Variants in LRRC37A2 observed in about 807,000 individuals in gnomAD.
The protein encoded by LRRC37A2 is leucine-rich repeat-containing protein 37A2.
LRRC37A2 carries 9 observed loss-of-function variants against 68.8 expected under a neutral mutation model. The observed-to-expected ratio is 0.13, with a 90% CI of 0.08 to 0.23. LRRC37A2 has a LOEUF of 0.23. Ranked by LOEUF, LRRC37A2 falls within the 10% of genes least tolerant of loss-of-function variation. LRRC37A2 has a pLI of 1.00. For missense variants in LRRC37A2, 168 were observed against 950.4 expected, an observed-to-expected ratio of 0.18 and a Z score of 10.82; for synonymous variants, 63 against 367.6, an observed-to-expected ratio of 0.17 and a Z score of 9.48.
At chr17:46,516,539 A>C (rs1205293098) in intron 2 of LRRC37A2, among the ~76,000 whole-genome samples, 2 of 146,872 alleles carry the variant, frequency 1.4e-5, no homozygotes, top group Admixed American at 6.8e-5. Context: ...GCATGGCTAC[A>C]GGTATGGTTG....
At chr17:47,011,432 T>C in the LRRC37A2 span, among the ~76,000 whole-genome samples, 2 of 151,682 alleles carry the variant, frequency 1.3e-5, no homozygotes, top group South Asian at 2.1e-4. Flanking sequence ...GCCTGCAATC[T>C]CAGCTACTTG....
chr17:46,786,555 G>A, the LRRC37A2 span, among the ~76,000 whole-genome samples: 2 of 152,242 alleles, frequency 1.3e-5, no homozygotes, highest in Non-Finnish European at 2.9e-5. Context: ...CCACAGAGGG[G>A]AGCAGCTCCC....
the LRRC37A2 span, among the ~76,000 whole-genome samples, chr17:46,787,057 C>A: frequency 6.6e-6 from 1 of 152,014 alleles, no homozygotes; most frequent in African/African-American, 2.4e-5. Context: ...TCCACCTCAG[C>A]CTCCTGAGTA....
the LRRC37A2 span, among the ~76,000 whole-genome samples, chr17:46,908,411 C>T: frequency 3.9e-5 from 6 of 152,112 alleles, no homozygotes; most frequent in South Asian, 4.2e-4. Context: ...CTCCTGGAGG[C>T]GCTGAAAATA....
chr17:46,751,898 C>T, the LRRC37A2 span, among the ~76,000 whole-genome samples: 1 of 152,168 alleles, frequency 6.6e-6, no homozygotes, highest in Admixed American at 6.5e-5. Flanking sequence ...AAAGAGCAGT[C>T]GTTCTTCTGC....
chr17:46,885,257 C>T, the LRRC37A2 span: 51 of 295,360 alleles, frequency 1.7e-4, no homozygotes, highest in Admixed American at 9.5e-4. Context: ...CCACCCGCCT[C>T]GGCCTCCCAA....
At chr17:46,872,505 C>T in the LRRC37A2 span, 18 of 1,476,188 alleles carry the variant, frequency 1.2e-5, no homozygotes, top group Middle Eastern at 2.1e-4. Context: ...TCCCTCCTCT[C>T]GCTCTCTCTA....
chr17:47,033,684 T>C, the LRRC37A2 span, among the ~76,000 whole-genome samples: 17 of 152,128 alleles, frequency 1.1e-4, no homozygotes, highest in African/African-American at 4.1e-4. Context: ...AAAGGAAACA[T>C]AGCCCATCTA....
the LRRC37A2 span, among the ~76,000 whole-genome samples, chr17:46,943,625 C>T: frequency 1.3e-5 from 2 of 152,204 alleles, no homozygotes; most frequent in Non-Finnish European, 2.9e-5. Context: ...TAGGCGCAGG[C>T]GCCATCGGGT....
At chr17:46,836,882 T>C in the LRRC37A2 span, among the ~76,000 whole-genome samples, 1 of 152,258 alleles carries the variant, frequency 6.6e-6, no homozygotes, top group Non-Finnish European at 1.5e-5. Flanking sequence ...AATTTTGGTT[T>C]GTAAATGAAC....
At chr17:46,811,122 A>AAGGGAAATGCTGATGT in the LRRC37A2 span, among the ~76,000 whole-genome samples, 128 of 145,478 alleles carry the variant, frequency 8.8e-4, 7 homozygotes, top group Middle Eastern at 7.1e-3. Flanking sequence ...CAGGCTGCAA[A>AAGGGAAATGCTGATGT]CAGATAAATC....
the LRRC37A2 span, among the ~76,000 whole-genome samples, chr17:46,728,519 C>T: frequency 6.6e-6 from 1 of 151,834 alleles, no homozygotes; most frequent in African/African-American, 2.4e-5. Context: ...ATCCCAGCTA[C>T]CTGGGAGGCT....
the LRRC37A2 span, among the ~76,000 whole-genome samples, chr17:47,004,875 T>C: frequency 6.6e-6 from 1 of 152,136 alleles, no homozygotes; most frequent in East Asian, 1.9e-4. Flanking sequence ...CCTGCTACTG[T>C]AAGACAATCA....
At chr17:46,907,098 G>A in the LRRC37A2 span, among the ~76,000 whole-genome samples, 2 of 152,188 alleles carry the variant, frequency 1.3e-5, no homozygotes, top group South Asian at 2.1e-4. Context: ...CCTCTCCACC[G>A]GGAGTACGTA....
the LRRC37A2 span, among the ~76,000 whole-genome samples, chr17:46,821,543 A>ACCT: frequency 6.6e-6 from 1 of 152,130 alleles, no homozygotes; most frequent in Admixed American, 6.5e-5. Context: ...AAAGGGTTAA[A>ACCT]TTCACTCCAA....
chr17:46,987,638 A>G, the LRRC37A2 span, among the ~76,000 whole-genome samples: 9 of 152,102 alleles, frequency 5.9e-5, no homozygotes, highest in Admixed American at 5.9e-4. Flanking sequence ...TATATACCCA[A>G]AGAACTGAAA....
chr17:46,818,611 G>A, the LRRC37A2 span: 1 of 1,586,862 alleles, frequency 6.3e-7, no homozygotes, highest in Non-Finnish European at 8.6e-7. Flanking sequence ...AAGAGGCGCC[G>A]AGGAGGAAGT....
chr17:46,760,645 A>G, the LRRC37A2 span, among the ~76,000 whole-genome samples: 28 of 151,216 alleles, frequency 1.9e-4, no homozygotes, highest in African/African-American at 6.8e-4. Context: ...AAAAAAAAAA[A>G]AAAAAGAAAA....
At chr17:46,931,010 G>C in the LRRC37A2 span, 2 of 769,220 alleles carry the variant, frequency 2.6e-6, no homozygotes, top group Non-Finnish European at 4.7e-6. Context: ...TAGTTTATTG[G>C]ATATTGAAAA....
Sources: allele counts gnomAD v4.1 joint callset (sites outside exome capture counted in the v4.1 genomes callset), GRCh38; gene constraint gnomAD v4.1.1; transcripts MANE v1.5; gene names NCBI Gene and HGNC (gene_info 2026-07-23, HGNC 2026-07-21).